The following SCAI variants were observed in gnomAD, a reference collection of about 807,000 sequenced individuals.
The protein encoded by SCAI is protein SCAI.
In SCAI, 24 loss-of-function variants were observed where a neutral mutation model predicts 92.2. The ratio of observed to expected loss-of-function variants is 0.26; its 90% CI spans 0.19 to 0.37. The LOEUF (loss-of-function observed/expected upper bound fraction) is 0.37, where lower values mean the gene tolerates loss of function less well. Among genes scored for constraint, SCAI ranks in the 10% least tolerant of loss-of-function variants. The pLI, the probability that SCAI is intolerant of heterozygous loss-of-function variation, is 1.00. For synonymous variants in SCAI, 261 were observed against 258.6 expected, an observed-to-expected ratio of 1.01 and a Z score of -0.09; for missense variants, 450 against 736.2, an observed-to-expected ratio of 0.61 and a Z score of 4.50.
intron 2 of SCAI, among the ~76,000 whole-genome samples, chr9:125,100,242 T>C (rs1211877341): frequency 1.3e-5 from 2 of 152,236 alleles, no homozygotes; most frequent in South Asian, 2.1e-4. Flanking sequence ...ATGTCAGAAG[T>C]GGCCCAGGTT....
intron 2 of SCAI, among the ~76,000 whole-genome samples, chr9:125,058,623 C>A (rs1833717287): frequency 6.6e-6 from 1 of 152,220 alleles, no homozygotes; most frequent in Admixed American, 6.5e-5. Context: ...TACTCCCTAG[C>A]TCTGTAATTC....
chr9:124,971,275 TTATTA>T (rs1288146360), intron 17 of SCAI, 90 bp downstream of exon 17: 1 of 570,344 alleles, frequency 1.8e-6, no homozygotes, highest in African/African-American at 2.0e-5. Context: ...TAATATTATT[TTATTA>T]TAACCTTATT....
chr9:125,047,516 C>G (rs1042742695), intron 3 of SCAI, among the ~76,000 whole-genome samples: 8 of 152,112 alleles, frequency 5.3e-5, no homozygotes, highest in Non-Finnish European at 8.8e-5. Flanking sequence ...TTACCAACAG[C>G]CAAAAGACCT....
chr9:125,018,987 C>T (rs1471509681), intron 8 of SCAI, 36 bp from the exon 9 acceptor site: 2 of 1,602,814 alleles, frequency 1.2e-6, no homozygotes, highest in Non-Finnish European at 1.7e-6. Flanking sequence ...AACGAATGGC[C>T]AAGACTAAAT....
chr9:125,042,814 G>A (rs1833351820), intron 3 of SCAI, among the ~76,000 whole-genome samples: 1 of 139,276 alleles, frequency 7.2e-6, no homozygotes, highest in Non-Finnish European at 1.5e-5. Flanking sequence ...TTGTACGCAA[G>A]TAAAGTTGTT....
At chr9:125,079,733 C>T (rs1033527748) in intron 2 of SCAI, among the ~76,000 whole-genome samples, 2 of 151,508 alleles carry the variant, frequency 1.3e-5, no homozygotes, top group African/African-American at 4.9e-5. Context: ...CATCCAAATT[C>T]ATATGTATTG....
intron 2 of SCAI, among the ~76,000 whole-genome samples, chr9:125,067,349 G>A (rs1833893953): frequency 6.6e-6 from 1 of 152,138 alleles, no homozygotes; most frequent in Non-Finnish European, 1.5e-5. Flanking sequence ...GGAGTAGAGT[G>A]GGCCCTGAAC....
chr9:125,052,995 T>A (rs139815872), intron 3 of SCAI, among the ~76,000 whole-genome samples: 3 of 151,976 alleles, frequency 2.0e-5, no homozygotes, highest in East Asian at 3.9e-4. Context: ...TGGAAAACAG[T>A]TTGGCAGGTC....
At chr9:125,108,431 G>A (rs1218749197) in intron 2 of SCAI, among the ~76,000 whole-genome samples, 1 of 150,950 alleles carries the variant, frequency 6.6e-6, no homozygotes, top group East Asian at 2.0e-4. Context: ...AGTGAGGAGC[G>A]TCTCTGCCTG....
chr9:125,019,598 G>T (rs534394471), intron 7 of SCAI, among the ~76,000 whole-genome samples: 1 of 151,888 alleles, frequency 6.6e-6, no homozygotes, highest in African/African-American at 2.4e-5. Context: ...CCAAGATTTC[G>T]AGAGCAGCCT....
At chr9:125,113,734 G>A (rs976223161) in intron 2 of SCAI, among the ~76,000 whole-genome samples, 9 of 150,036 alleles carry the variant, frequency 6.0e-5, no homozygotes, top group Non-Finnish European at 1.0e-4. Context: ...AGGCCAAGGC[G>A]GGCTGATCAC....
chr9:124,978,178 A>G (rs1002283105), intron 14 of SCAI, among the ~76,000 whole-genome samples: 10 of 152,256 alleles, frequency 6.6e-5, no homozygotes, highest in Admixed American at 5.9e-4. Flanking sequence ...GCGTTGGCTC[A>G]CACCTGTAAT....
intron 2 of SCAI, among the ~76,000 whole-genome samples, chr9:125,080,858 T>C (rs1834200454): frequency 6.6e-6 from 1 of 152,180 alleles, no homozygotes; most frequent in Admixed American, 6.5e-5. Flanking sequence ...AATTCCCACG[T>C]GTTGTGGGAG....
At chr9:125,106,122 AAT>A (rs1206665762) in intron 2 of SCAI, among the ~76,000 whole-genome samples, 154 of 8,850 alleles carry the variant, frequency 0.017, 5 homozygotes, top group Middle Eastern at 0.1. Flanking sequence ...AAAAAAAAAA[AAT>A]ATATATATAT....
At chr9:124,954,692 A>G (rs558301662) in intron 17 of SCAI, among the ~76,000 whole-genome samples, 95 of 152,278 alleles carry the variant, frequency 6.2e-4, no homozygotes, top group Non-Finnish European at 1.0e-3. Flanking sequence ...AACTATCACC[A>G]CAACCAATTT....
At chr9:124,969,895 A>C (rs10986501) in intron 17 of SCAI, among the ~76,000 whole-genome samples, 95,982 of 151,870 alleles carry the variant, frequency 0.63, 30,677 homozygotes, top group African/African-American at 0.67. Context: ...GCTCTGTTGC[A>C]CAGGCTGGAG....
chr9:125,105,343 A>G (rs183802350), intron 2 of SCAI, among the ~76,000 whole-genome samples: 2 of 152,352 alleles, frequency 1.3e-5, no homozygotes, highest in East Asian at 3.9e-4. Context: ...GCAACAGTAA[A>G]TAAGGAAAGA....
At position 124,971,443 on chromosome 9, in the gene SCAI, T is replaced by C. The variant is rs1225344566; in HGVS notation, c.1601A>G (p.Asp534Gly). ...TGTGAGGAGCAAGCGAAGAAATTCA[T>C]CTCCAAAAAACTGGAGAAATGCCTG... is the stretch of plus-strand genomic sequence containing the variant. ...IDQAFLQFFG[D>G]EFLRLLLTRF... The change falls in exon 17 of 18, where the codon GAT (aspartate) becomes GGT (glycine). Residue 534 changes from aspartate to glycine, a missense_variant. Asp to Gly is a moderately conservative substitution (Grantham distance 94, BLOSUM62 -1). This residue lies in a region of SCAI where 360 missense variants were observed against 601.8 expected (regional missense o/e 0.60). Transcript: ENST00000336505. 1 of 1,612,402 alleles carries C rather than the reference T, an allele frequency of 6.2e-7. No homozygotes were observed. The highest frequency in any genetic ancestry group is 1.1e-5 in the South Asian group (1 of 90,578).
rs1018096560 is a variant in SCAI, at chr9:125,092,520, T to C, written c.99-36513A>G. 3.3e-5 allele frequency among the ~76,000 whole-genome samples: 5 copies of C among 152,254 alleles called. No homozygotes were observed. The East Asian group carries it at 9.6e-4, about 29-fold the overall frequency. The stretch of plus-strand genomic sequence containing the variant: ...ATCCTCCACACATGCCCAGCCACAA[T>C]GTACCATCTACTTGCTATTGTAGCC... On this transcript the variant is annotated intron_variant, in intron 2 of 17. Coordinates refer to ENST00000336505, the MANE Select transcript of SCAI (RefSeq NM_001144877.3).
Sources: gnomAD v4.1 joint callset for allele counts (sites outside exome capture counted in the v4.1 genomes callset) on GRCh38, gnomAD v4.1.1 for gene constraint, gnomAD v4.1.1 regional missense constraint, MANE v1.5 for transcripts, NCBI Gene and HGNC (gene_info 2026-07-23, HGNC 2026-07-21) for gene names.